MAP3K3: variants seen among roughly 807,000 people sequenced by gnomAD.
MAP3K3 encodes the protein mitogen-activated protein kinase kinase kinase 3.
A neutral mutation model predicts 80.9 loss-of-function variants in MAP3K3; 12 were observed. That is an observed-to-expected ratio of 0.15 (90% CI 0.10 to 0.24). The LOEUF is 0.24. MAP3K3 is among the 10% of genes least tolerant of loss of function. The pLI is 1.00. For synonymous variants in MAP3K3, 272 were observed against 307.1 expected (o/e 0.89, Z 1.19); for missense variants, 596 against 834.7 (o/e 0.71, Z 3.52).
Position 63,691,813 on chromosome 17 carries a change from G to A in MAP3K3, c.1425G>A (p.Glu475=), listed in dbSNP as rs773334070. The change falls in exon 14 of 16, where the codon GAG becomes GAA. Residue 475 remains glutamate (E), a synonymous_variant. Coordinates refer to ENST00000361733, the MANE Select transcript of MAP3K3 (RefSeq NM_002401.5). The surrounding 1 kb of genome is among the most constrained non-coding windows in gnomAD (Gnocchi z 4.8). ...GAAAGTACACGCGGCAGATCCTGGA[G>A]GGCATGTCCTACCTGCACAGCAACA... ...VTRKYTRQIL[E]GMSYLHSNMI... is the part of the protein sequence containing the mutation. 1.2e-5 allele frequency: 19 copies of A among 1,614,122 alleles called. No individual in the cohort carries two copies. Among genetic ancestry groups the A allele is most frequent in the Admixed American group, 3.3e-5 (2 of 60,018 alleles).
chr17:63,688,186 GC>G (rs2035499743), intron 8 of MAP3K3: 1 of 354,656 alleles, frequency 2.8e-6, no homozygotes, highest in African/African-American at 2.1e-5. Flanking sequence ...TGATGCTGTG[GC>G]TGTTTTTATT....
Position 63,691,173 on chromosome 17 carries a change from T to C in MAP3K3, c.1284T>C (p.Tyr428=), listed in dbSNP as rs377003394. ...AGCATGAGCGCATCGTGCAGTACTA[T>C]GGCTGTCTGCGGGACCGCGCTGAGA... is the stretch of plus-strand genomic sequence containing the variant. The part of the protein sequence containing the change: ...NLQHERIVQY[Y]GCLRDRAEKT... Residue 428 remains tyrosine (Y), a synonymous_variant, in exon 13 of 16, where the codon TAT becomes TAC. Transcript: ENST00000361733. This position sits in a 1 kb window ranked among gnomAD's most constrained non-coding sequence, Gnocchi z 4.8. 2.7e-5 allele frequency: 43 copies of C among 1,614,086 alleles called. No homozygotes were observed. Among genetic ancestry groups the C allele is most frequent in the Non-Finnish European group, 3.4e-5 (40 of 1,180,042 alleles).
In MAP3K3 at chr17:63,688,782, T is replaced by G. The variant is rs749215418; in HGVS notation, c.779-7T>G. On this transcript the variant is annotated splice_region_variant and splice_polypyrimidine_tract_variant and intron_variant, in intron 9 of 15. Coordinates refer to ENST00000361733, the MANE Select transcript of MAP3K3 (RefSeq NM_002401.5). The stretch of plus-strand genomic sequence containing the variant: ...CCAGAAGCCAGTGATTCCCCTGTCT[T>G]ACTCAGATCGGGAAACTCAGCTTTA... The G allele has an allele frequency of 6.2e-7, 1 of 1,604,282 alleles. No homozygotes were observed. Among genetic ancestry groups the G allele is most frequent in the African/African-American group, 1.3e-5 (1 of 74,844 alleles).
At position 63,652,454 on chromosome 17, in the gene MAP3K3, A is replaced by C. The variant is rs1243657767; in HGVS notation, c.168-103A>C. 3 of 757,946 alleles carry C rather than the reference A, an allele frequency of 4.0e-6. No homozygotes were observed. The African/African-American group carries it at 5.3e-5, about 13-fold the overall frequency. 47.0% of individuals were successfully genotyped at this position (757,946 alleles called of 1,614,324 possible). A position where few individuals can be genotyped will look rare whatever the true frequency, so the allele number is the denominator to read the frequency against. On this transcript the variant is annotated intron_variant, in intron 3 of 15. Coordinates refer to ENST00000361733, the MANE Select transcript of MAP3K3 (RefSeq NM_002401.5). The stretch of plus-strand genomic sequence containing the variant: ...GGCAAATTGAGTGAAAGAAAACAGA[A>C]TCCTATGTTGAGAAGAAAGGAAGAA...
chr17:63,643,683 G>C (rs2034488685), intron 2 of MAP3K3, among the ~76,000 whole-genome samples: 1 of 152,110 alleles, frequency 6.6e-6, no homozygotes, highest in African/African-American at 2.4e-5. Flanking sequence ...GGCAGGAACA[G>C]GTAAAAGGAT....
At chr17:63,635,727 A>G (rs2034309419) in intron 2 of MAP3K3, among the ~76,000 whole-genome samples, 1 of 152,148 alleles carries the variant, frequency 6.6e-6, no homozygotes, top group Non-Finnish European at 1.5e-5. Context: ...TATTATTATT[A>G]TTGTAGTTTT....
chr17:63,633,304 A>G (rs1217139754), intron 2 of MAP3K3, among the ~76,000 whole-genome samples: 1 of 151,946 alleles, frequency 6.6e-6, no homozygotes, highest in African/African-American at 2.4e-5. Flanking sequence ...TTGTGTAAGC[A>G]TTTCATCTGT....
chr17:63,632,915 C>T (rs2034247456), intron 2 of MAP3K3, 113 bp downstream of exon 2: 1 of 1,343,450 alleles, frequency 7.4e-7, no homozygotes, highest in Admixed American at 2.0e-5. Context: ...CTTTTGACCC[C>T]TTCCTTTCAC....
chr17:63,663,634 A>C (rs1161371212), intron 5 of MAP3K3, among the ~76,000 whole-genome samples: 1 of 152,170 alleles, frequency 6.6e-6, no homozygotes, highest in Non-Finnish European at 1.5e-5. Context: ...ATTTGGATGA[A>C]CTCCTTGAAT....
intron 5 of MAP3K3, among the ~76,000 whole-genome samples, chr17:63,658,734 CTTTTTT>C (rs55818509): frequency 7.2e-6 from 1 of 138,146 alleles, no homozygotes; most frequent in Non-Finnish European, 1.6e-5. Context: ...CATTTCTTTT[CTTTTTT>C]TTTTTTTTTT....
chr17:63,645,722 A>G (rs2034528335), intron 2 of MAP3K3, among the ~76,000 whole-genome samples: 1 of 152,220 alleles, frequency 6.6e-6, no homozygotes, highest in African/African-American at 2.4e-5. Context: ...ATAGAGTGGG[A>G]GAAACTTCCA....
chr17:63,658,775 C>T (rs1007344323), intron 5 of MAP3K3, among the ~76,000 whole-genome samples: 2 of 148,570 alleles, frequency 1.3e-5, no homozygotes, highest in African/African-American at 2.5e-5. Context: ...GCTCTTGTTG[C>T]CCAGGCTGGA....
In MAP3K3 at chr17:63,692,033, A is replaced by G. The variant is rs1311880519; in HGVS notation, c.1474+171A>G. Among the ~76,000 whole-genome samples the G allele has an allele frequency of 6.6e-6, 1 of 152,198 alleles. No individual in the cohort carries two copies. The highest frequency in any genetic ancestry group is 1.5e-5 in the Non-Finnish European group (1 of 68,030). ...TGAGCAATATGAGAGAATATTGCCA[A>G]GTTCCCTCTACATGTGGGCCTTGGA... is the stretch of plus-strand genomic sequence containing the variant. On this transcript the variant is annotated intron_variant, in intron 14 of 15. Coordinates refer to ENST00000361733, the MANE Select transcript of MAP3K3 (RefSeq NM_002401.5). The surrounding 1 kb of genome is among the most constrained non-coding windows in gnomAD (Gnocchi z 4.5).
Position 63,691,052 on chromosome 17 carries a change from G to A in MAP3K3, c.1213-50G>A. ...GGGCAAGCTGAGCTGAACCCAGGCGGGCAGAACTAGGGCCCTGAGAGCTGA... is the reference window on the plus strand; with the variant it reads ...GGGCAAGCTGAGCTGAACCCAGGCGAGCAGAACTAGGGCCCTGAGAGCTGA... On this transcript the variant is annotated intron_variant, in intron 12 of 15. Coordinates refer to ENST00000361733, the MANE Select transcript of MAP3K3 (RefSeq NM_002401.5). This position sits in a 1 kb window ranked among gnomAD's most constrained non-coding sequence, Gnocchi z 4.8. The A allele has an allele frequency of 6.2e-7, 1 of 1,609,286 alleles. No individual in the cohort carries two copies. Among genetic ancestry groups the A allele is most frequent in the Non-Finnish European group, 8.5e-7 (1 of 1,177,532 alleles).
chr17:63,653,075 A>G (rs974115538), intron 4 of MAP3K3, among the ~76,000 whole-genome samples: 4 of 152,212 alleles, frequency 2.6e-5, no homozygotes, highest in African/African-American at 2.4e-5. Flanking sequence ...TCATAAATGC[A>G]GGATTCTTCT....
intron 2 of MAP3K3, among the ~76,000 whole-genome samples, chr17:63,634,204 G>C (rs967511764): frequency 6.6e-6 from 1 of 152,168 alleles, no homozygotes; most frequent in Non-Finnish European, 1.5e-5. Context: ...TTTCGAAGGA[G>C]CATTTTACCA....
rs34163987 is a variant in MAP3K3 at position 63,695,089 on chromosome 17, GAAAA to G, written c.*1327_*1330del. On this transcript the variant is annotated 3_prime_UTR_variant, in exon 16 of 16. Coordinates refer to ENST00000361733, the MANE Select transcript of MAP3K3 (RefSeq NM_002401.5). The surrounding 1 kb of genome is among the most constrained non-coding windows in gnomAD (Gnocchi z 4.1). ...GTTTCCTTGGGAGTTGTCATTAAAG[GAAAA>G]AAAAAAAAAAAAAAGCCAGTGCCCA... 923 of 120,380 alleles carry G rather than the reference GAAAA, an allele frequency of 7.7e-3. 19 individuals carry two copies. Among genetic ancestry groups the G allele is most frequent in the African/African-American group, 0.024 (798 of 33,200 alleles). The allele number at this position is 120,380 out of a possible 1,614,324, so 7.5% of individuals were successfully genotyped here. A position where few individuals can be genotyped will look rare whatever the true frequency, so the allele number is the denominator to read the frequency against.
At chr17:63,659,824 G>A (rs887916047) in intron 5 of MAP3K3, among the ~76,000 whole-genome samples, 2 of 152,130 alleles carry the variant, frequency 1.3e-5, no homozygotes, top group East Asian at 1.9e-4. Context: ...CACTGTGCCC[G>A]GCCGTACCAG....
At position 63,689,973 on chromosome 17, in the gene MAP3K3, C is replaced by A; in HGVS notation, c.1063+238C>A. ...TTAAACTAGGGAAGAGCACACCCTTCATCCCTGCCATATTAAGATATTTAG... is the reference window on the plus strand; with the variant it reads ...TTAAACTAGGGAAGAGCACACCCTTAATCCCTGCCATATTAAGATATTTAG... On this transcript the variant is annotated intron_variant, in intron 11 of 15. Transcript: ENST00000361733. This position sits in a 1 kb window ranked among gnomAD's most constrained non-coding sequence, Gnocchi z 4.3. 1 of 581,958 alleles carries A rather than the reference C, an allele frequency of 1.7e-6. No individual in the cohort carries two copies. The highest frequency in any genetic ancestry group is 3.0e-6 in the Non-Finnish European group (1 of 330,168). The allele number at this position is 581,958 out of a possible 1,614,324, so 36.0% of individuals were successfully genotyped here.
Sources: allele counts gnomAD v4.1 joint callset (sites outside exome capture counted in the v4.1 genomes callset), GRCh38; gene constraint gnomAD v4.1.1; non-coding constraint Gnocchi (gnomAD v3.1); transcripts MANE v1.5; gene names NCBI Gene and HGNC (gene_info 2026-07-23, HGNC 2026-07-21).